The following CNTNAP2 variants were observed in gnomAD, a reference collection of about 807,000 sequenced individuals.
CNTNAP2 encodes contactin-associated protein-like 2.
Under a neutral mutation model 155.2 loss-of-function variants are expected in CNTNAP2, and 98 were observed. The observed-to-expected ratio is 0.63, with a 90% confidence interval of 0.54 to 0.75. The LOEUF (loss-of-function observed/expected upper bound fraction) is 0.75, where lower values mean the gene tolerates loss of function less well. Ranked by LOEUF, CNTNAP2 falls within the 30% of genes least tolerant of loss-of-function variation. The probability of loss-of-function intolerance (pLI) is 0.00; values close to 1 mark genes in which losing one functional copy is unlikely to be tolerated. For synonymous variants in CNTNAP2, 651 were observed against 631.2 expected (o/e 1.03, Z -0.47); for missense variants, 1,727 against 1,688.1 (o/e 1.02, Z -0.40).
At chr7:147,122,610 G>A (rs1340711254) in intron 6 of CNTNAP2, 1 of 152,126 alleles carries the variant, frequency 6.6e-6, no homozygotes, top group Non-Finnish European at 1.5e-5. Flanking sequence ...CTTAATCAGA[G>A]TAATGAGAGT....
chr7:146,306,731 C>T (rs1442238259), intron 1 of CNTNAP2, among the ~76,000 whole-genome samples: 1 of 150,826 alleles, frequency 6.6e-6, no homozygotes, highest in Non-Finnish European at 1.5e-5. Flanking sequence ...AAGACAAAAA[C>T]CACATGATTA....
intron 13 of CNTNAP2, chr7:147,671,598 G>A (rs1366812497): frequency 6.6e-6 from 1 of 151,850 alleles, no homozygotes; most frequent in Non-Finnish European, 1.5e-5. Flanking sequence ...ATGGAATACA[G>A]AATGTTCCCC....
chr7:148,351,700 G>A (rs941741418), intron 21 of CNTNAP2, among the ~76,000 whole-genome samples: 5 of 127,978 alleles, frequency 3.9e-5, no homozygotes, highest in African/African-American at 9.0e-5. Context: ...CCGAGATCAC[G>A]CCTCTGCACT....
At chr7:147,164,363 G>C (rs940661029) in intron 8 of CNTNAP2, among the ~76,000 whole-genome samples, 4 of 152,186 alleles carry the variant, frequency 2.6e-5, no homozygotes, top group African/African-American at 9.7e-5. Context: ...CAAGTAGTTA[G>C]GCTCTGCGCC....
chr7:148,173,712 G>C (rs571423779), intron 18 of CNTNAP2, among the ~76,000 whole-genome samples: 1 of 152,130 alleles, frequency 6.6e-6, no homozygotes, highest in East Asian at 1.9e-4. Flanking sequence ...ATTTTCCTGC[G>C]GCACACAATT....
chr7:147,207,468 G>A (rs1224596033), intron 8 of CNTNAP2, among the ~76,000 whole-genome samples: 2 of 152,006 alleles, frequency 1.3e-5, no homozygotes, highest in East Asian at 1.9e-4. Context: ...AAGCAGTAGA[G>A]TACAAACCTA....
intron 8 of CNTNAP2, among the ~76,000 whole-genome samples, chr7:147,220,050 A>G (rs994558243): frequency 4.0e-5 from 6 of 151,030 alleles, no homozygotes; most frequent in Non-Finnish European, 7.4e-5. Flanking sequence ...CTGCCTCCCA[A>G]AGTGCTGGGA....
At chr7:147,949,440 G>GTA (rs57422437) in intron 14 of CNTNAP2, among the ~76,000 whole-genome samples, 16,132 of 127,332 alleles carry the variant, frequency 0.13, 1,458 homozygotes, top group Middle Eastern at 0.32. Context: ...TCAACTGTGT[G>GTA]TATATATATA....
chr7:148,076,677 C>T (rs190109558), intron 15 of CNTNAP2, among the ~76,000 whole-genome samples: 14 of 151,878 alleles, frequency 9.2e-5, no homozygotes, highest in Non-Finnish European at 1.6e-4. Flanking sequence ...CCTCGTGATC[C>T]ACCCATCTCT....
intron 1 of CNTNAP2, among the ~76,000 whole-genome samples, chr7:146,272,616 T>G (rs929074824): frequency 6.6e-6 from 1 of 152,096 alleles, no homozygotes; most frequent in African/African-American, 2.4e-5. Flanking sequence ...CATAAAGAAG[T>G]AATGAGCATT....
intron 15 of CNTNAP2, among the ~76,000 whole-genome samples, chr7:148,055,953 A>G (rs534305709): frequency 6.6e-6 from 1 of 152,274 alleles, no homozygotes; most frequent in East Asian, 1.9e-4. Context: ...TTAGGCCGTG[A>G]TGTGCAACTT....
chr7:146,457,029 A>T (rs2129123616), intron 1 of CNTNAP2, among the ~76,000 whole-genome samples: 1 of 152,208 alleles, frequency 6.6e-6, no homozygotes, highest in Admixed American at 6.5e-5. Context: ...GCATTGCATA[A>T]CACCTTGATC....
rs117707293 is a variant in CNTNAP2 at position 148,017,459 on chromosome 7, G to A, written c.2383+39470G>A. Among the ~76,000 whole-genome samples the A allele has an allele frequency of 9.0e-3, 1,372 of 152,286 alleles. 12 individuals carry two copies. Among genetic ancestry groups the A allele is most frequent in the Non-Finnish European group, 0.015 (1,023 of 68,032 alleles). On this transcript the variant is annotated intron_variant, in intron 15 of 23. Coordinates refer to ENST00000361727, the MANE Select transcript of CNTNAP2 (RefSeq NM_014141.6). ...AAAAAGGCTGCTTATGTTAAAAATT[G>A]ATAGTAACTAAATATATAAGACCAA...
At chr7:147,661,188 T>A (rs1165482815) in intron 13 of CNTNAP2, among the ~76,000 whole-genome samples, 1 of 152,212 alleles carries the variant, frequency 6.6e-6, no homozygotes, top group Non-Finnish European at 1.5e-5. Context: ...TTCAGTGTTT[T>A]ATTTTGTCTC....
chr7:147,771,898 C>T (rs1797475165), intron 13 of CNTNAP2, among the ~76,000 whole-genome samples: 1 of 151,916 alleles, frequency 6.6e-6, no homozygotes, highest in Admixed American at 6.6e-5. Flanking sequence ...AAAGATAGTC[C>T]TATATAATAT....
chr7:147,934,397 G>A (rs1042318634), intron 14 of CNTNAP2, among the ~76,000 whole-genome samples: 1 of 152,090 alleles, frequency 6.6e-6, no homozygotes, highest in African/African-American at 2.4e-5. Context: ...TTGTGCAGGG[G>A]AACTCCTCCT....
At chr7:146,393,538 T>C (rs919924039) in intron 1 of CNTNAP2, among the ~76,000 whole-genome samples, 1 of 152,194 alleles carries the variant, frequency 6.6e-6, no homozygotes, top group Non-Finnish European at 1.5e-5. Flanking sequence ...TTTGCTGATA[T>C]AGACCTGAAA....
At chr7:147,621,871 G>C (rs780646265) in intron 12 of CNTNAP2, among the ~76,000 whole-genome samples, 1 of 151,886 alleles carries the variant, frequency 6.6e-6, no homozygotes, top group African/African-American at 2.4e-5. Context: ...CATTTGATCT[G>C]TTGCCTACAA....
chr7:146,873,488 G>A (rs868257665), intron 3 of CNTNAP2, among the ~76,000 whole-genome samples: 2 of 152,074 alleles, frequency 1.3e-5, no homozygotes, highest in African/African-American at 4.8e-5. Context: ...GTGTGCCAGG[G>A]ACTTTTTTAG....
Sources: allele counts gnomAD v4.1 joint callset (sites outside exome capture counted in the v4.1 genomes callset), GRCh38; gene constraint gnomAD v4.1.1; transcripts MANE v1.5; gene names NCBI Gene and HGNC (gene_info 2026-07-23, HGNC 2026-07-21).